KAT7: variants seen among roughly 807,000 people sequenced by gnomAD.
KAT7 encodes the protein histone acetyltransferase KAT7.
Under a neutral mutation model 82.1 loss-of-function variants are expected in KAT7, and 10 were observed. The ratio of observed to expected loss-of-function variants is 0.12; its 90% CI spans 0.08 to 0.21. KAT7 has a LOEUF of 0.21. Among genes scored for constraint, KAT7 ranks in the 10% least tolerant of loss-of-function variants. The probability of loss-of-function intolerance (pLI) is 1.00; values close to 1 mark genes in which losing one functional copy is unlikely to be tolerated. For missense variants in KAT7, 378 were observed against 760.9 expected (o/e 0.50, Z 5.92); for synonymous variants, 250 against 262.5 (o/e 0.95, Z 0.46).
In KAT7 at chr17:49,823,257, A is replaced by G; in HGVS notation, c.1442A>G (p.Tyr481Cys). ...TCCTGTATCCTTACTATGCCTCAGT[A>G]CATGAGACAGGGCTATGGCAAGATG... ...NVSCILTMPQ[Y>C]MRQGYGKMLI... The change falls in exon 12 of 15, where the codon TAC becomes TGC. Residue 481 changes from tyrosine to cysteine, a missense_variant. Physicochemically the swap from Tyr to Cys is radical, Grantham distance 194. Transcript: ENST00000259021. 6.2e-7 allele frequency: 1 copy of G among 1,604,444 alleles called. No homozygotes were observed. Among genetic ancestry groups the G allele is most frequent in the Non-Finnish European group, 8.5e-7 (1 of 1,171,490 alleles).
intron 4 of KAT7, among the ~76,000 whole-genome samples, chr17:49,802,657 G>C (rs1448232220): frequency 6.9e-6 from 1 of 145,792 alleles, no homozygotes; most frequent in Non-Finnish European, 1.5e-5. Context: ...CAAAAGGAGT[G>C]AAACTCCATC....
intron 11 of KAT7, among the ~76,000 whole-genome samples, chr17:49,822,889 A>T (rs900392357): frequency 6.6e-6 from 1 of 152,094 alleles, no homozygotes; most frequent in Admixed American, 6.5e-5. Context: ...CTTTTCAAAA[A>T]TTGCGTTTAA....
In KAT7 at chr17:49,796,950, G is replaced by C. The variant is rs1319574490; in HGVS notation, c.340+24G>C. 3 of 1,605,616 alleles carry C rather than the reference G, an allele frequency of 1.9e-6. No individual in the cohort carries two copies. In the Admixed American group the frequency reaches 5.0e-5, roughly 27 times the overall value. On this transcript the variant is annotated intron_variant, in intron 3 of 14. Transcript: ENST00000259021. ...AGGTGAGTGGGTATGGTATGACTTA[G>C]ACCTATTACAGAGCATCTGGGTGAA... is the stretch of plus-strand genomic sequence containing the variant.
chr17:49,826,023 GA>G lies in KAT7; in HGVS notation c.1509del (p.Val504LeufsTer14). On this transcript the variant is annotated frameshift_variant, in exon 13 of 15. Transcript: ENST00000259021. LOFTEE classifies it high-confidence loss of function. ...AGGTTATTTGCTTTCCAAAGTCGAA[GA>G]AAAAGTTGGCTCCCCAGAACGTCCA... is the stretch of plus-strand genomic sequence containing the variant. ...DFSYLLSKVE[E>X]KVGSPERPLS... The G allele has an allele frequency of 6.2e-7, 1 of 1,611,030 alleles. No individual in the cohort carries two copies. The highest frequency in any genetic ancestry group is 8.5e-7 in the Non-Finnish European group (1 of 1,177,846).
At chr17:49,819,936 A>T (rs1195821209) in intron 9 of KAT7, among the ~76,000 whole-genome samples, 1 of 152,248 alleles carries the variant, frequency 6.6e-6, no homozygotes, top group African/African-American at 2.4e-5. Context: ...TGACAAAAAG[A>T]GTTGCAGTAA....
chr17:49,796,741 T>G lies in KAT7; in HGVS notation c.164-9T>G. ...TTTTTTCTTTATTTTCTTTTAAAAT[T>G]GGGATCAGATTCCAGTCCTGTTCGA... On this transcript the variant is annotated splice_polypyrimidine_tract_variant and intron_variant, in intron 2 of 14. Coordinates refer to ENST00000259021, the MANE Select transcript of KAT7 (RefSeq NM_007067.5). The G allele has an allele frequency of 6.5e-7, 1 of 1,533,158 alleles. No homozygotes were observed. Among genetic ancestry groups the G allele is most frequent in the East Asian group, 2.3e-5 (1 of 43,462 alleles). The allele number at this position is 1,533,158 out of a possible 1,614,324, so 95.0% of individuals were successfully genotyped here.
At chr17:49,812,925 ACTC>A (rs1567858541) in intron 7 of KAT7, among the ~76,000 whole-genome samples, 1 of 137,694 alleles carries the variant, frequency 7.3e-6, no homozygotes, top group East Asian at 2.1e-4. Flanking sequence ...CTGGTCTTGA[ACTC>A]CTGACCTCGT....
chr17:49,802,221 A>T (rs1053322796), intron 4 of KAT7, among the ~76,000 whole-genome samples: 15 of 152,168 alleles, frequency 9.9e-5, no homozygotes, highest in Non-Finnish European at 5.9e-5. Context: ...CCTTGTATGT[A>T]CATATTTTGG....
chr17:49,793,573 ATT>A (rs542617795), intron 2 of KAT7, among the ~76,000 whole-genome samples: 25 of 136,254 alleles, frequency 1.8e-4, no homozygotes, highest in Admixed American at 3.0e-4. Context: ...GCTTTGGTTA[ATT>A]TTTTTTTTTT....
At chr17:49,826,854 G>C in intron 14 of KAT7, 55 bp downstream of exon 14, 2 of 1,191,402 alleles carry the variant, frequency 1.7e-6, no homozygotes, top group South Asian at 1.2e-5. Flanking sequence ...AGACTTAGCA[G>C]AGCAAAGTAT....
At chr17:49,798,718 C>A (rs946595528) in intron 4 of KAT7, among the ~76,000 whole-genome samples, 160 bp downstream of exon 4, 1 of 152,216 alleles carries the variant, frequency 6.6e-6, no homozygotes, top group Non-Finnish European at 1.5e-5. Context: ...AAGCATTTAT[C>A]TTCTTGGCCG....
chr17:49,811,960 C>T (rs1251771656), intron 7 of KAT7, among the ~76,000 whole-genome samples: 2 of 152,116 alleles, frequency 1.3e-5, no homozygotes, highest in Admixed American at 6.5e-5. Context: ...AAATAGATTT[C>T]CTCCATGATT....
chr17:49,793,761 T>TG lies in KAT7; in HGVS notation c.163+1732dup, dbSNP rs560776125. ...CTAATTTTTGTATTTTTAGTAGAGA[T>TG]GGGGTTTCACCATGTTGGCCAGGAT... On this transcript the variant is annotated intron_variant, in intron 2 of 14. Coordinates refer to ENST00000259021, the MANE Select transcript of KAT7 (RefSeq NM_007067.5). Among the ~76,000 whole-genome samples, 162 of 152,042 alleles carry TG rather than the reference T, an allele frequency of 1.1e-3. 2 individuals carry two copies. The highest frequency in any genetic ancestry group is 3.8e-3 in the African/African-American group (159 of 41,490).
At position 49,792,925 on chromosome 17, in the gene KAT7, C is replaced by T. The variant is rs191240753; in HGVS notation, c.163+892C>T. Reference sequence around the variant, plus strand: ...CTCCTTGGCTCAAGTGATCCTCCCACCTCAGCCTCCTGAGTAGCTGGGACT... The same window carrying T: ...CTCCTTGGCTCAAGTGATCCTCCCATCTCAGCCTCCTGAGTAGCTGGGACT... On this transcript the variant is annotated intron_variant, in intron 2 of 14. Coordinates refer to ENST00000259021, the MANE Select transcript of KAT7 (RefSeq NM_007067.5). Among the ~76,000 whole-genome samples, 15 of 152,230 alleles carry T rather than the reference C, an allele frequency of 9.9e-5. No individual in the cohort carries two copies. The East Asian group carries it at 2.7e-3, about 27-fold the overall frequency.
chr17:49,793,425 C>G (rs1412282180), intron 2 of KAT7, among the ~76,000 whole-genome samples: 1 of 152,106 alleles, frequency 6.6e-6, no homozygotes, highest in Non-Finnish European at 1.5e-5. Flanking sequence ...GGAGGGTACC[C>G]TTGACCCTCC....
chr17:49,821,466 A>C (rs1412213483), intron 10 of KAT7, 40 bp downstream of exon 10: 1 of 1,572,782 alleles, frequency 6.4e-7, no homozygotes, highest in African/African-American at 1.4e-5. Context: ...GAAATGTTGT[A>C]TATTCACAGG....
chr17:49,807,345 T>C (rs1479997752), intron 5 of KAT7, among the ~76,000 whole-genome samples: 1 of 152,170 alleles, frequency 6.6e-6, no homozygotes, highest in Non-Finnish European at 1.5e-5. Flanking sequence ...TGGCATTTGA[T>C]CTGGGACGTG....
chr17:49,789,650 A>T (rs1336801607), intron 1 of KAT7: 1 of 152,218 alleles, frequency 6.6e-6, no homozygotes, highest in Non-Finnish European at 1.5e-5. Flanking sequence ...GAACAAATCT[A>T]ACTCAATTCA....
chr17:49,798,478 C>T lies in KAT7; in HGVS notation c.500C>T (p.Ser167Phe). 6.2e-7 allele frequency: 1 copy of T among 1,614,186 alleles called. No homozygotes were observed. Residue 167 changes from serine (S) to phenylalanine (F), a missense_variant, in exon 4 of 15, where the codon TCT becomes TTT. Ser to Phe is a radical substitution (Grantham distance 155). Coordinates refer to ENST00000259021, the MANE Select transcript of KAT7 (RefSeq NM_007067.5). Reference protein sequence around the residue: ...MSLKDSGSDLSHRPKRRRFHE... With the variant: ...MSLKDSGSDLFHRPKRRRFHE... ...CTGAAGGACTCAGGCAGTGATCTCT[C>T]TCATCGCCCCAAGCGCCGTCGCTTC...
Sources: gnomAD v4.1 joint callset for allele counts (sites outside exome capture counted in the v4.1 genomes callset) on GRCh38, gnomAD v4.1.1 for gene constraint, MANE v1.5 for transcripts, NCBI Gene and HGNC (gene_info 2026-07-23, HGNC 2026-07-21) for gene names.